The following SGO2 variants were observed in gnomAD, a reference collection of about 807,000 sequenced individuals.
SGO2 encodes the protein shugoshin 2.
In SGO2, 68 loss-of-function variants were observed where a neutral mutation model predicts 99.5. The ratio of observed to expected loss-of-function variants is 0.68; its 90% CI spans 0.56 to 0.84. The LOEUF (loss-of-function observed/expected upper bound fraction) is 0.84, where lower values mean the gene tolerates loss of function less well. Among genes scored for constraint, SGO2 ranks in the 40% least tolerant of loss-of-function variants. The probability of loss-of-function intolerance (pLI) is 0.00; values close to 1 mark genes in which losing one functional copy is unlikely to be tolerated. For synonymous variants in SGO2, 457 were observed against 487.1 expected (o/e 0.94, Z 0.81); for missense variants, 1,350 against 1,436.7 (o/e 0.94, Z 0.97).
intron 5 of SGO2, among the ~76,000 whole-genome samples, chr2:200,565,188 A>G (rs997956353): frequency 3.3e-5 from 5 of 152,196 alleles, no homozygotes; most frequent in African/African-American, 9.7e-5. Flanking sequence ...ATGTTTTTGC[A>G]GTGGCTGGTA....
intron 5 of SGO2, among the ~76,000 whole-genome samples, chr2:200,562,453 G>T (rs565820279): frequency 6.6e-6 from 1 of 152,064 alleles, no homozygotes; most frequent in African/African-American, 2.4e-5. Context: ...TGTTTTGGTT[G>T]CTGTAGCCTT....
intron 5 of SGO2, among the ~76,000 whole-genome samples, chr2:200,560,767 G>C (rs1459213203): frequency 1.3e-5 from 2 of 152,078 alleles, no homozygotes; most frequent in Non-Finnish European, 2.9e-5. Context: ...GGTTATGCTG[G>C]CCTCATGGGA....
chr2:200,559,446 C>A (rs574945683), intron 5 of SGO2, among the ~76,000 whole-genome samples: 14 of 151,768 alleles, frequency 9.2e-5, no homozygotes, highest in Admixed American at 3.3e-4. Context: ...TTTATTGTTT[C>A]TTTCTGTTTT....
chr2:200,567,149 C>T (rs2577280), intron 5 of SGO2, among the ~76,000 whole-genome samples: 38,296 of 152,160 alleles, frequency 0.25, 4,961 homozygotes, highest in South Asian at 0.33. Context: ...AATCACCCGT[C>T]TTCTGCATCG....
At chr2:200,529,520 GTT>G (rs375629036) in intron 1 of SGO2, among the ~76,000 whole-genome samples, 1 of 119,386 alleles carries the variant, frequency 8.4e-6, no homozygotes, top group Admixed American at 8.1e-5. Context: ...GTTTTGTTTT[GTT>G]TTTTGTTTTT....
Position 200,570,012 on chromosome 2 carries a change from C to T in SGO2, c.703+120C>T. The stretch of plus-strand genomic sequence containing the variant: ...TTAGCTCTCTTATGTTACCGATTTG[C>T]TAACTTCTGCCATTTAAAACTGCTG... On this transcript the variant is annotated intron_variant, in intron 6 of 8. Coordinates refer to ENST00000357799, the MANE Select transcript of SGO2 (RefSeq NM_152524.6). The surrounding 1 kb of genome is among the most constrained non-coding windows in gnomAD (Gnocchi z 4.4). The T allele has an allele frequency of 1.5e-6, 1 of 650,024 alleles. No individual in the cohort carries two copies. The highest frequency in any genetic ancestry group is 2.6e-6 in the Non-Finnish European group (1 of 380,884). The allele number at this position is 650,024 out of a possible 1,614,324, so 40.3% of individuals were successfully genotyped here. A position where few individuals can be genotyped will look rare whatever the true frequency, so the allele number is the denominator to read the frequency against.
Position 200,573,605 on chromosome 2 carries a change from G to A in SGO2, c.3259G>A (p.Asp1087Asn). 6.2e-7 allele frequency: 1 copy of A among 1,610,724 alleles called. No individual in the cohort carries two copies. Among genetic ancestry groups the A allele is most frequent in the Non-Finnish European group, 8.5e-7 (1 of 1,178,924 alleles). ...SKSKKRKTSI[D>N]PSPESHEVME... Reference sequence around the variant, plus strand: ...GTCAAAGAAAAGGAAGACCTCCATAGATCCTTCTCCAGAGAGCCATGAAGT... The same window carrying A: ...GTCAAAGAAAAGGAAGACCTCCATAAATCCTTCTCCAGAGAGCCATGAAGT... Residue 1087 changes from aspartate to asparagine, a missense_variant, in exon 7 of 9, where the codon GAT becomes AAT. Transcript: ENST00000357799.
At chr2:200,562,048 C>T (rs1245429669) in intron 5 of SGO2, among the ~76,000 whole-genome samples, 1 of 152,186 alleles carries the variant, frequency 6.6e-6, no homozygotes, top group Non-Finnish European at 1.5e-5. Flanking sequence ...TGTGCAGAAG[C>T]CCTTTAGTTT....
At chr2:200,538,350 G>A (rs1382428370) in intron 4 of SGO2, among the ~76,000 whole-genome samples, 1 of 152,162 alleles carries the variant, frequency 6.6e-6, no homozygotes, top group Non-Finnish European at 1.5e-5. Flanking sequence ...CTGTCTGCAT[G>A]TGACAAGTTC....
chr2:200,555,191 AAGGCATT>A (rs1246029548), intron 5 of SGO2, among the ~76,000 whole-genome samples: 1 of 152,190 alleles, frequency 6.6e-6, no homozygotes, highest in Middle Eastern at 3.2e-3. Flanking sequence ...CATGAACTAA[AAGGCATT>A]ACACTTTTTA....
intron 5 of SGO2, among the ~76,000 whole-genome samples, chr2:200,551,890 T>C (rs1396728811): frequency 2.6e-5 from 4 of 152,344 alleles, no homozygotes; most frequent in Admixed American, 2.6e-4. Flanking sequence ...AGCTTTATAG[T>C]AAGTCTTGCT....
At chr2:200,556,311 T>G (rs1247902009) in intron 5 of SGO2, among the ~76,000 whole-genome samples, 1 of 152,226 alleles carries the variant, frequency 6.6e-6, no homozygotes, top group Non-Finnish European at 1.5e-5. Context: ...CATAGTGCTC[T>G]TTTAAAAAGT....
At chr2:200,574,552 T>C (rs995535272) in intron 7 of SGO2, among the ~76,000 whole-genome samples, 2 of 152,090 alleles carry the variant, frequency 1.3e-5, no homozygotes, top group Non-Finnish European at 2.9e-5. Flanking sequence ...GGAGTAATTT[T>C]GACTAGAGGA....
At chr2:200,550,969 G>A (rs1258399873) in intron 5 of SGO2, among the ~76,000 whole-genome samples, 1 of 149,944 alleles carries the variant, frequency 6.7e-6, no homozygotes, top group Non-Finnish European at 1.5e-5. Flanking sequence ...AGCATATATT[G>A]GGAGCTTAAA....
At chr2:200,546,254 G>GA (rs981547284) in intron 5 of SGO2, among the ~76,000 whole-genome samples, 4 of 149,924 alleles carry the variant, frequency 2.7e-5, no homozygotes, top group African/African-American at 9.8e-5. Flanking sequence ...TCAGGAGGCT[G>GA]AGGCAGGAGA....
chr2:200,573,541 A>G lies in SGO2; in HGVS notation c.3195A>G (p.Gly1065=). 2 of 1,610,554 alleles carry G rather than the reference A, an allele frequency of 1.2e-6. No homozygotes were observed. The highest frequency in any genetic ancestry group is 1.7e-6 in the Non-Finnish European group (2 of 1,178,856). ...CTTTTGTGGAAGAAATAAAAGAAGG[A>G]GAGTGTCAGGTTAAAAAGGTAAATA... ...DLPFVEEIKE[G]ECQVKKVNKM... is the part of the protein sequence containing the mutation. The change falls in exon 7 of 9, where the codon GGA becomes GGG. Residue 1065 remains glycine (G), a synonymous_variant. Coordinates refer to ENST00000357799, the MANE Select transcript of SGO2 (RefSeq NM_152524.6).
chr2:200,552,372 G>A (rs552931896), intron 5 of SGO2, among the ~76,000 whole-genome samples: 5 of 152,192 alleles, frequency 3.3e-5, no homozygotes, highest in African/African-American at 9.6e-5. Flanking sequence ...GAATGTTACT[G>A]GGTTTTGTTT....
chr2:200,549,529 A>G lies in SGO2; in HGVS notation c.473+6865A>G, dbSNP rs569651789. Among the ~76,000 whole-genome samples the G allele has an allele frequency of 7.9e-5, 12 of 152,302 alleles. No homozygotes were observed. The East Asian group carries it at 2.3e-3, about 29-fold the overall frequency. ...ACAAAGTACTAGCAAGTCAAATTCAACAACACATTAAAAAGAACATTCACC... is the reference window on the plus strand; with the variant it reads ...ACAAAGTACTAGCAAGTCAAATTCAGCAACACATTAAAAAGAACATTCACC... On this transcript the variant is annotated intron_variant, in intron 5 of 8. Coordinates refer to ENST00000357799, the MANE Select transcript of SGO2 (RefSeq NM_152524.6).
At chr2:200,561,208 C>T (rs909738602) in intron 5 of SGO2, among the ~76,000 whole-genome samples, 2 of 152,244 alleles carry the variant, frequency 1.3e-5, no homozygotes, top group South Asian at 2.1e-4. Context: ...CCCCACCCAA[C>T]GACAGGCCCT....
Sources: gnomAD v4.1 joint callset for allele counts (sites outside exome capture counted in the v4.1 genomes callset) on GRCh38, gnomAD v4.1.1 for gene constraint, Gnocchi (gnomAD v3.1) non-coding constraint, MANE v1.5 for transcripts, NCBI Gene and HGNC (gene_info 2026-07-23, HGNC 2026-07-21) for gene names.